HPGDS: variants seen among roughly 807,000 people sequenced by gnomAD.
The protein encoded by HPGDS is hematopoietic prostaglandin D synthase, also known as GST class-sigma.
HPGDS carries 26 observed loss-of-function variants against 23.1 expected under a neutral mutation model. The ratio of observed to expected loss-of-function variants is 1.13; its 90% confidence interval spans 0.83 to 1.56. The LOEUF (loss-of-function observed/expected upper bound fraction) is 1.56. HPGDS is among the 40% of genes most tolerant of loss of function. The pLI is 0.00. For missense variants in HPGDS, 268 were observed against 236.4 expected (o/e 1.13, Z -0.88); for synonymous variants, 95 against 77.9 (o/e 1.22, Z -1.16).
Position 94,306,462 on chromosome 4 carries a change from G to A in HPGDS, c.336+2172C>T, listed in dbSNP as rs73836716. On this transcript the variant is annotated intron_variant, in intron 4 of 5. Coordinates refer to ENST00000295256, the MANE Select transcript of HPGDS (RefSeq NM_014485.3). ...AAAATTTGAAGCTAGTAAGCAGATGGGTGAATGGCACCTGTGAAGGGAAAG... is the reference window on the plus strand; with the variant it reads ...AAAATTTGAAGCTAGTAAGCAGATGAGTGAATGGCACCTGTGAAGGGAAAG... Among the ~76,000 whole-genome samples the A allele has an allele frequency of 3.2e-3, 487 of 152,156 alleles. 2 individuals are homozygous for A. The highest frequency in any genetic ancestry group is 0.011 in the African/African-American group (460 of 41,524).
At chr4:94,326,572 T>C (rs1756635761) in intron 2 of HPGDS, among the ~76,000 whole-genome samples, 1 of 152,188 alleles carries the variant, frequency 6.6e-6, no homozygotes, top group African/African-American at 2.4e-5. Context: ...TTTTATAATA[T>C]CTATCTGTTA....
In HPGDS at chr4:94,322,667, G is replaced by A. The variant is rs1282283835; in HGVS notation, c.134-4702C>T. On this transcript the variant is annotated intron_variant, in intron 2 of 5. Coordinates refer to ENST00000295256, the MANE Select transcript of HPGDS (RefSeq NM_014485.3). Reference sequence around the variant, plus strand: ...TTCTTCTCTCTTTTCTTCTTTATTAGTCTTGCTAGCAGTCTATCAATTTTG... The same window carrying A: ...TTCTTCTCTCTTTTCTTCTTTATTAATCTTGCTAGCAGTCTATCAATTTTG... 2.0e-5 allele frequency among the ~76,000 whole-genome samples: 3 copies of A among 151,756 alleles called. No individual in the cohort carries two copies. In the East Asian group the frequency reaches 5.8e-4, roughly 29 times the overall value.
At chr4:94,334,271 A>C in intron 2 of HPGDS, 1 of 376,366 alleles carries the variant, frequency 2.7e-6, no homozygotes, top group Non-Finnish European at 4.7e-6. Flanking sequence ...TTGTCTGCTA[A>C]AGCTTTATAC....
chr4:94,335,475 C>T (rs1265760716), intron 1 of HPGDS, among the ~76,000 whole-genome samples: 1 of 152,108 alleles, frequency 6.6e-6, no homozygotes, highest in African/African-American at 2.4e-5. Flanking sequence ...ATTTTAATTT[C>T]GTAAGATCAA....
intron 2 of HPGDS, among the ~76,000 whole-genome samples, chr4:94,324,280 G>C (rs998339210): frequency 6.6e-6 from 1 of 152,108 alleles, no homozygotes; most frequent in Non-Finnish European, 1.5e-5. Context: ...GGTGTTCTCT[G>C]TATTTCCTGA....
chr4:94,301,316 G>C (rs566691659), intron 5 of HPGDS, among the ~76,000 whole-genome samples: 18 of 152,312 alleles, frequency 1.2e-4, no homozygotes, highest in African/African-American at 4.1e-4. Flanking sequence ...CTAGGTGGTA[G>C]TGTGCCTAGT....
intron 2 of HPGDS, among the ~76,000 whole-genome samples, chr4:94,319,903 C>T (rs1454456509): frequency 6.6e-6 from 1 of 152,060 alleles, no homozygotes; most frequent in Admixed American, 6.6e-5. Flanking sequence ...TAATACTATC[C>T]CTCCCCTCTA....
At chr4:94,310,085 G>A (rs991458372) in intron 3 of HPGDS, among the ~76,000 whole-genome samples, 5 of 152,092 alleles carry the variant, frequency 3.3e-5, no homozygotes, top group Non-Finnish European at 5.9e-5. Flanking sequence ...TAGGTTGCCT[G>A]TTCACTCTGA....
chr4:94,341,345 A>G (rs1721168664), intron 1 of HPGDS, among the ~76,000 whole-genome samples: 1 of 152,242 alleles, frequency 6.6e-6, no homozygotes, highest in Non-Finnish European at 1.5e-5. Flanking sequence ...ACAGTAAAAA[A>G]TAGTCTCAAA....
At chr4:94,311,043 T>C (rs969730568) in intron 3 of HPGDS, among the ~76,000 whole-genome samples, 1 of 152,148 alleles carries the variant, frequency 6.6e-6, no homozygotes, top group Non-Finnish European at 1.5e-5. Context: ...TTGGCTGAGA[T>C]GATGGGGTTT....
At chr4:94,317,464 A>G (rs939030001) in intron 3 of HPGDS, among the ~76,000 whole-genome samples, 2 of 152,176 alleles carry the variant, frequency 1.3e-5, no homozygotes, top group Admixed American at 1.3e-4. Context: ...ATTAGGATGA[A>G]GGACATTACT....
At chr4:94,299,823 T>G (rs1755999964) in intron 5 of HPGDS, among the ~76,000 whole-genome samples, 179 bp from the exon 6 acceptor site, 1 of 152,220 alleles carries the variant, frequency 6.6e-6, no homozygotes, top group African/African-American at 2.4e-5. Flanking sequence ...AGCAATCAGG[T>G]TACTACTATT....
intron 5 of HPGDS, 133 bp downstream of exon 5, chr4:94,302,013 A>G: frequency 2.0e-6 from 1 of 497,132 alleles, no homozygotes; most frequent in South Asian, 4.3e-5. Context: ...GTTTATTTAA[A>G]GAAGTTTAAC....
At chr4:94,332,156 G>A (rs1031605781) in intron 2 of HPGDS, among the ~76,000 whole-genome samples, 1 of 152,086 alleles carries the variant, frequency 6.6e-6, no homozygotes, top group Non-Finnish European at 1.5e-5. Context: ...CTGGACTTCG[G>A]AGGAGAGATG....
rs187791117 is a variant in HPGDS, at chr4:94,315,097, G to A, written c.226+2776C>T. Among the ~76,000 whole-genome samples, 297 of 152,248 alleles carry A rather than the reference G, an allele frequency of 2.0e-3. 1 individual carries two copies. Among genetic ancestry groups the A allele is most frequent in the Non-Finnish European group, 2.9e-3 (199 of 68,028 alleles). On this transcript the variant is annotated intron_variant, in intron 3 of 5. Transcript: ENST00000295256. ...ACCCCTTGCACTTCCTGGGTGAGGC[G>A]ATGCCTCACCCTGTTTCAGCTCATG...
chr4:94,331,901 A>G (rs1756742616), intron 2 of HPGDS, among the ~76,000 whole-genome samples: 1 of 152,094 alleles, frequency 6.6e-6, no homozygotes, highest in South Asian at 2.1e-4. Flanking sequence ...GTGAAACCCC[A>G]CCTTCAAGCC....
chr4:94,341,020 A>G (rs1366336591), intron 1 of HPGDS, among the ~76,000 whole-genome samples: 1 of 150,908 alleles, frequency 6.6e-6, no homozygotes, highest in African/African-American at 2.4e-5. Context: ...TAATTTTTGT[A>G]TTTTTAGTAG....
At chr4:94,335,309 T>C (rs1356899086) in intron 1 of HPGDS, among the ~76,000 whole-genome samples, 2 of 152,220 alleles carry the variant, frequency 1.3e-5, no homozygotes, top group Admixed American at 6.5e-5. Context: ...TCATTCCCTC[T>C]GTAGAGGAAG....
chr4:94,302,137 CATACTCA>C lies in HPGDS; in HGVS notation c.435+2_435+8del. On this transcript the variant is annotated splice_donor_variant and splice_donor_5th_base_variant and intron_variant, in intron 5 of 5. Coordinates refer to ENST00000295256, the MANE Select transcript of HPGDS (RefSeq NM_014485.3). LOFTEE classifies it high-confidence loss of function. ...TGCTTGAATTTTTTAAGATATAAAA[CATACTCA>C]CAGAGTTACCAATAAGCCATTCTCT... 1 of 1,574,906 alleles carries C rather than the reference CATACTCA, an allele frequency of 6.3e-7. No individual in the cohort carries two copies. Among genetic ancestry groups the C allele is most frequent in the Non-Finnish European group, 8.7e-7 (1 of 1,146,114 alleles).
Sources: gnomAD v4.1 joint callset for allele counts (sites outside exome capture counted in the v4.1 genomes callset) on GRCh38, gnomAD v4.1.1 for gene constraint, MANE v1.5 for transcripts, NCBI Gene and HGNC (gene_info 2026-07-23, HGNC 2026-07-21) for gene names.